Variants in EDA observed in about 807,000 individuals in gnomAD.
EDA encodes ectodysplasin A.
In EDA, 2 loss-of-function variants were observed where a neutral mutation model predicts 23.6. The observed-to-expected ratio is 0.08, with a 90% CI of 0.03 to 0.27. The LOEUF (loss-of-function observed/expected upper bound fraction) is 0.27, where lower values mean the gene tolerates loss of function less well. Ranked by LOEUF, EDA falls within the 10% of genes least tolerant of loss-of-function variation. The pLI is 1.00. For missense variants in EDA, 229 were observed against 324.2 expected (o/e 0.71, Z 2.26); for synonymous variants, 131 against 132.0 (o/e 0.99, Z 0.05).
intron 1 of EDA, among the ~76,000 whole-genome samples, chrX:69,924,233 C>A (rs1185859393): frequency 2.7e-5 from 3 of 111,622 alleles, no homozygotes; most frequent in Non-Finnish European, 3.8e-5. Context: ...GTCATGAAGT[C>A]TTTGCCCATG....
intron 1 of EDA, among the ~76,000 whole-genome samples, chrX:69,779,509 C>A (rs948229563): frequency 9.0e-6 from 1 of 110,846 alleles, no homozygotes; most frequent in Non-Finnish European, 1.9e-5. Flanking sequence ...TCAGTGGTTT[C>A]TAAGGACTGG....
At chrX:69,684,813 G>A (rs979668704) in intron 1 of EDA, among the ~76,000 whole-genome samples, 1 of 112,339 alleles carries the variant, frequency 8.9e-6, no homozygotes, top group East Asian at 2.8e-4. Context: ...GATAAGGAAT[G>A]CCATTTGTTT....
chrX:69,889,970 G>A (rs978776516), intron 1 of EDA, among the ~76,000 whole-genome samples: 5 of 111,711 alleles, frequency 4.5e-5, no homozygotes, highest in Non-Finnish European at 7.5e-5. Flanking sequence ...TATGGCATGA[G>A]GTAGAGGTCT....
chrX:69,673,034 A>C (rs764137461), intron 1 of EDA, among the ~76,000 whole-genome samples: 59 of 111,615 alleles, frequency 5.3e-4, no homozygotes, highest in Non-Finnish European at 9.6e-4. Flanking sequence ...GCTACTGGAG[A>C]TAAGCACAGA....
chrX:69,663,571 G>A (rs1000122443), intron 1 of EDA, among the ~76,000 whole-genome samples: 6 of 112,635 alleles, frequency 5.3e-5, no homozygotes, highest in African/African-American at 1.9e-4. Flanking sequence ...CTCTGCTAGG[G>A]CAGTGCAGAA....
rs771923740 is a variant in EDA at position 69,889,110 on chromosome X, G to A, written c.397-67917G>A. ...TTTCTCCACATTTTTACCAAAACTT[G>A]TTATTTTCTGGTTTGTTTTTTACTT... On this transcript the variant is annotated intron_variant, in intron 1 of 7. Coordinates refer to ENST00000374552, the MANE Select transcript of EDA (RefSeq NM_001399.5). Among the ~76,000 whole-genome samples the A allele has an allele frequency of 3.1e-5, 3 of 96,757 alleles. No homozygotes were observed. In the South Asian group the frequency reaches 1.5e-3, roughly 50 times the overall value. 84.0% of individuals were successfully genotyped at this position (96,757 alleles called of 115,157 possible).
chrX:70,030,622 G>A, intron 6 of EDA, 102 bp downstream of exon 6: 1 of 769,986 alleles, frequency 1.3e-6, no homozygotes, highest in South Asian at 2.2e-5. Context: ...GGCCGCTGAG[G>A]TACCGTTGGC....
chrX:69,990,143 T>G (rs894053280), intron 2 of EDA, among the ~76,000 whole-genome samples: 6 of 110,641 alleles, frequency 5.4e-5, no homozygotes, highest in Admixed American at 9.6e-5. Context: ...TATTGAAACC[T>G]TAACATTTTT....
chrX:69,954,139 A>G (rs1358999420), intron 1 of EDA, among the ~76,000 whole-genome samples: 1 of 111,639 alleles, frequency 9.0e-6, no homozygotes, highest in Non-Finnish European at 1.9e-5. Context: ...ATTCCTCAAC[A>G]TGATCTGGCT....
At chrX:69,769,434 A>T (rs766950967) in intron 1 of EDA, among the ~76,000 whole-genome samples, 2 of 111,386 alleles carry the variant, frequency 1.8e-5, no homozygotes, top group South Asian at 7.5e-4. Context: ...GTTAAGCAGT[A>T]TGTTGTTGGA....
intron 1 of EDA, among the ~76,000 whole-genome samples, chrX:69,925,347 G>GT (rs1411196004): frequency 8.9e-6 from 1 of 111,912 alleles, no homozygotes; most frequent in Non-Finnish European, 1.9e-5. Context: ...TTTATTGAGA[G>GT]TTTTTAACAT....
intron 1 of EDA, among the ~76,000 whole-genome samples, chrX:69,756,154 G>A (rs893791387): frequency 8.9e-6 from 1 of 112,165 alleles, no homozygotes; most frequent in Admixed American, 9.4e-5. Flanking sequence ...GCAGAATGGA[G>A]CTGTTCCTAT....
chrX:69,944,328 A>G (rs774534784), intron 1 of EDA, among the ~76,000 whole-genome samples: 2 of 112,381 alleles, frequency 1.8e-5, no homozygotes, highest in Admixed American at 1.9e-4. Context: ...GCCCGTGTTG[A>G]GTACTGCCTG....
chrX:70,012,866 G>A (rs922865909), intron 2 of EDA, among the ~76,000 whole-genome samples: 5 of 112,095 alleles, frequency 4.5e-5, no homozygotes, highest in African/African-American at 1.6e-4. Context: ...TCTTGGGCCA[G>A]TAGCAGCTCT....
At chrX:69,774,676 T>C (rs1387022465) in intron 1 of EDA, among the ~76,000 whole-genome samples, 2 of 112,102 alleles carry the variant, frequency 1.8e-5, no homozygotes, top group Non-Finnish European at 3.8e-5. Flanking sequence ...AACTGTATAC[T>C]AGTAGCTCAG....
At chrX:69,933,533 T>C (rs2018629668) in intron 1 of EDA, among the ~76,000 whole-genome samples, 1 of 110,719 alleles carries the variant, frequency 9.0e-6, no homozygotes, top group Admixed American at 9.6e-5. Context: ...TACAAAAAAT[T>C]AGCTGGGTAT....
At chrX:70,013,051 A>G (rs1411302064) in intron 2 of EDA, among the ~76,000 whole-genome samples, 1 of 112,536 alleles carries the variant, frequency 8.9e-6, no homozygotes, top group African/African-American at 3.2e-5. Context: ...ACTGTTTTCC[A>G]TGCAGGTCTC....
At chrX:69,933,951 G>A (rs1037535575) in intron 1 of EDA, among the ~76,000 whole-genome samples, 4 of 112,737 alleles carry the variant, frequency 3.5e-5, no homozygotes, top group South Asian at 7.3e-4. Context: ...AAGAGCCAGC[G>A]TTGCTGATGA....
intron 1 of EDA, among the ~76,000 whole-genome samples, chrX:69,692,718 G>T (rs752718323): frequency 8.9e-6 from 1 of 111,890 alleles, no homozygotes; most frequent in East Asian, 2.8e-4. Context: ...TGACTCACTT[G>T]GGTGTTGTAA....
Sources: gnomAD v4.1 joint callset for allele counts (sites outside exome capture counted in the v4.1 genomes callset) on GRCh38, gnomAD v4.1.1 for gene constraint, MANE v1.5 for transcripts, NCBI Gene and HGNC (gene_info 2026-07-23, HGNC 2026-07-21) for gene names.